The following MAP4K1 variants were observed in gnomAD, a reference collection of about 807,000 sequenced individuals.
MAP4K1 encodes MAPK/ERK kinase kinase kinase 1.
In MAP4K1, 35 loss-of-function variants were observed where a neutral mutation model predicts 122.8. The observed-to-expected ratio is 0.29, with a 90% CI of 0.22 to 0.38. The LOEUF is 0.38. MAP4K1 is among the 10% of genes least tolerant of loss of function. The probability of loss-of-function intolerance (pLI) is 1.00; values close to 1 mark genes in which losing one functional copy is unlikely to be tolerated. For missense variants in MAP4K1, 791 were observed against 1,072.6 expected (o/e 0.74, Z 3.67); for synonymous variants, 412 against 421.3 (o/e 0.98, Z 0.27).
Position 38,603,701 on chromosome 19 carries a change from G to C in MAP4K1, c.1446+1708C>G, listed in dbSNP as rs949569920. Among the ~76,000 whole-genome samples the C allele has an allele frequency of 2.0e-5, 3 of 151,954 alleles. No homozygotes were observed. The East Asian group carries it at 5.8e-4, about 29-fold the overall frequency. On this transcript the variant is annotated intron_variant, in intron 19 of 30. Transcript: ENST00000396857. ...CATTTTTTTAAAAATTAGCCAAGCT[G>C]GGCCGGGCGCGGTGGCTCACGCCTG... is the stretch of plus-strand genomic sequence containing the variant.
chr19:38,600,918 G>T (rs1162742428), intron 20 of MAP4K1, among the ~76,000 whole-genome samples: 1 of 149,194 alleles, frequency 6.7e-6, no homozygotes, highest in African/African-American at 2.5e-5. Flanking sequence ...CAATTATCCT[G>T]CCTCAGCCTC....
Position 38,606,296 on chromosome 19 carries a change from G to A in MAP4K1, c.1158-81C>T. ...AAGATGGCATGGTTCTGGGCTGGAG[G>A]CCCGGGACTGGGGTCTGAGGTGAGG... On this transcript the variant is annotated intron_variant, in intron 16 of 30. Coordinates refer to ENST00000396857, the MANE Select transcript of MAP4K1 (RefSeq NM_001042600.3). The A allele has an allele frequency of 1.3e-5, 9 of 681,786 alleles. No homozygotes were observed. The South Asian group carries it at 1.7e-4, about 13-fold the overall frequency. 42.2% of individuals were successfully genotyped at this position (681,786 alleles called of 1,614,324 possible).
At chr19:38,601,392 T>C (rs1360431401) in intron 20 of MAP4K1, 49 bp downstream of exon 20, 3 of 1,520,158 alleles carry the variant, frequency 2.0e-6, no homozygotes, top group Admixed American at 3.8e-5. Context: ...ACCCCTACTT[T>C]TGCTCTCCCA....
chr19:38,610,828 C>G (rs1975474267), intron 11 of MAP4K1, among the ~76,000 whole-genome samples: 1 of 151,958 alleles, frequency 6.6e-6, no homozygotes, highest in Admixed American at 6.6e-5. Context: ...GTCTTGAGTC[C>G]TTTGGGAATT....
At chr19:38,601,813 G>A (rs937926212) in intron 19 of MAP4K1, 4 of 369,346 alleles carry the variant, frequency 1.1e-5, no homozygotes, top group Admixed American at 5.0e-5. Flanking sequence ...AGTCTCACTC[G>A]GTTGCCCAGG....
Position 38,595,791 on chromosome 19 carries a change from A to G in MAP4K1, c.2180-62T>C. 2.7e-6 allele frequency: 4 copies of G among 1,497,696 alleles called. No individual in the cohort carries two copies. The Admixed American group carries it at 6.9e-5, about 26-fold the overall frequency. The allele number at this position is 1,497,696 out of a possible 1,614,324, so 92.8% of individuals were successfully genotyped here. A position where few individuals can be genotyped will look rare whatever the true frequency, so the allele number is the denominator to read the frequency against. ...AGGCTTAGAGGGTTACTAAGGGACC[A>G]ATCCATAAATTCAGTGTGAAAGCTA... is the stretch of plus-strand genomic sequence containing the variant. On this transcript the variant is annotated intron_variant, in intron 27 of 30. Transcript: ENST00000396857.
rs1974933890 is a variant in MAP4K1, at chr19:38,597,742, TTC to T, written c.1670-150_1670-149del. On this transcript the variant is annotated intron_variant, in intron 22 of 30. Transcript: ENST00000396857. This position sits in a 1 kb window ranked among gnomAD's most constrained non-coding sequence, Gnocchi z 4.6. ...AAGTACTTGTCATTCATTCATTCATTTCTCACTCCACATAGATTGAACGTCCA... is the reference window on the plus strand; with the variant it reads ...AAGTACTTGTCATTCATTCATTCATTTCACTCCACATAGATTGAACGTCCA... 1.6e-6 allele frequency: 1 copy of T among 609,648 alleles called. No homozygotes were observed. Among genetic ancestry groups the T allele is most frequent in the Non-Finnish European group, 2.9e-6 (1 of 346,906 alleles). 37.8% of individuals were successfully genotyped at this position (609,648 alleles called of 1,614,324 possible). A position where few individuals can be genotyped will look rare whatever the true frequency, so the allele number is the denominator to read the frequency against.
Position 38,609,628 on chromosome 19 carries a change from C to T in MAP4K1, c.974G>A (p.Ser325Asn), listed in dbSNP as rs1975434905. 1 of 1,613,772 alleles carries T rather than the reference C, an allele frequency of 6.2e-7. No homozygotes were observed. Residue 325 changes from serine to asparagine, a missense_variant, in exon 13 of 31, where the codon AGC (serine) becomes AAC (asparagine). Ser to Asn is a conservative substitution (Grantham distance 46). This residue lies in a region of MAP4K1 where 303 missense variants were observed against 344.8 expected (regional missense o/e 0.88). Coordinates refer to ENST00000396857, the MANE Select transcript of MAP4K1 (RefSeq NM_001042600.3). ...PRRIRSTHRS[S>N]SLGIPDADCC... ...GTCTGCATCTGGGATCCCCAGAGAG[C>T]TGGAGCGGTGGGTGGATCTGATCCG...
At chr19:38,598,694 G>C (rs1226985543) in intron 22 of MAP4K1, among the ~76,000 whole-genome samples, 1 of 152,078 alleles carries the variant, frequency 6.6e-6, no homozygotes, top group African/African-American at 2.4e-5. Flanking sequence ...AGTTCTGATT[G>C]TCATCTGAAC....
Position 38,594,176 on chromosome 19 carries a change from T to C in MAP4K1, c.2341-839A>G, listed in dbSNP as rs570912625. On this transcript the variant is annotated intron_variant, in intron 29 of 30. Transcript: ENST00000396857. Reference sequence around the variant, plus strand: ...GTCACAGTAGTGGCCCAGGATGAGATTGGGACTCAAGAAATCCAAGAGCAG... The same window carrying C: ...GTCACAGTAGTGGCCCAGGATGAGACTGGGACTCAAGAAATCCAAGAGCAG... 8.5e-5 allele frequency among the ~76,000 whole-genome samples: 13 copies of C among 152,126 alleles called. 1 individual carries two copies. In the South Asian group the frequency reaches 1.0e-3, roughly 12 times the overall value.
At chr19:38,601,369 T>C (rs1975058203) in intron 20 of MAP4K1, 72 bp downstream of exon 20, 2 of 1,398,436 alleles carry the variant, frequency 1.4e-6, no homozygotes, top group South Asian at 1.2e-5. Flanking sequence ...GTGCCTTCCT[T>C]AGGCTTCTCC....
intron 30 of MAP4K1, among the ~76,000 whole-genome samples, chr19:38,589,797 A>G (rs1974650676): frequency 6.6e-6 from 1 of 152,144 alleles, no homozygotes; most frequent in Non-Finnish European, 1.5e-5. Context: ...TGGGAAGCCT[A>G]CACAGGTGAA....
In MAP4K1 at chr19:38,600,171, G is replaced by A; in HGVS notation, c.1532-18C>T. ...GTGCTGGTCTGGAGGCACAGACAAG[G>A]ACGCTGGGACCGACTTCATCCTCAG... is the stretch of plus-strand genomic sequence containing the variant. On this transcript the variant is annotated intron_variant, in intron 20 of 30. Transcript: ENST00000396857. 1 of 1,611,594 alleles carries A rather than the reference G, an allele frequency of 6.2e-7. No homozygotes were observed. Among genetic ancestry groups the A allele is most frequent in the Non-Finnish European group, 8.5e-7 (1 of 1,177,920 alleles).
Position 38,612,636 on chromosome 19 carries a change from G to C in MAP4K1, c.640C>G (p.Pro214Ala). 6.2e-7 allele frequency: 1 copy of C among 1,613,518 alleles called. No individual in the cohort carries two copies. The change falls in exon 9 of 31, where the codon CCG becomes GCG. Residue 214 changes from proline (P) to alanine (A), a missense_variant. Around this residue, in one of 4 missense-constraint regions of MAP4K1, gnomAD observed 163 missense variants for 286.1 expected, o/e 0.57. Transcript: ENST00000396857. ...CTGAGAGGGTGCACATCAAAGAGCG[G>C]TGGCTGTAGCTCGGCCAGTTCGATG... ...TAIELAELQP[P>A]LFDVHPLRVL...
At position 38,591,214 on chromosome 19, in the gene MAP4K1, A is replaced by G. The variant is rs117910631; in HGVS notation, c.2396+2068T>C. Among the ~76,000 whole-genome samples the G allele has an allele frequency of 8.1e-3, 1,223 of 151,784 alleles. 32 individuals are homozygous for G. Among genetic ancestry groups the G allele is most frequent in the East Asian group, 0.06 (309 of 5,156 alleles). ...TCAAGAAAAGAAAAAAAAAAGAATAATAAGGCAAATGCGGTTAAAAAGATT... is the reference window on the plus strand; with the variant it reads ...TCAAGAAAAGAAAAAAAAAAGAATAGTAAGGCAAATGCGGTTAAAAAGATT... On this transcript the variant is annotated intron_variant, in intron 30 of 30. Transcript: ENST00000396857.
At chr19:38,609,446 T>G in intron 13 of MAP4K1, 150 bp downstream of exon 13, 3 of 718,638 alleles carry the variant, frequency 4.2e-6, no homozygotes, top group Non-Finnish European at 7.1e-6. Flanking sequence ...CTACGGTCAT[T>G]TTGTAGTTCA....
intron 30 of MAP4K1, among the ~76,000 whole-genome samples, chr19:38,588,973 T>C (rs1358660105): frequency 6.6e-6 from 1 of 151,388 alleles, no homozygotes; most frequent in Non-Finnish European, 1.5e-5. Context: ...AGAATAAAAA[T>C]CCATGAGACC....
chr19:38,605,362 C>G, intron 19 of MAP4K1, 47 bp downstream of exon 19: 8 of 1,466,126 alleles, frequency 5.5e-6, no homozygotes, highest in Admixed American at 2.0e-5. Flanking sequence ...ACCAGGCATC[C>G]CCAGCCCCGT....
intron 16 of MAP4K1, among the ~76,000 whole-genome samples, chr19:38,607,559 C>CAAA (rs759008757): frequency 8.1e-4 from 44 of 54,550 alleles, no homozygotes; most frequent in Admixed American, 1.2e-3. Flanking sequence ...GACTCCATCT[C>CAAA]AAAAAAAAAA....
Sources: gnomAD v4.1 joint callset for allele counts (sites outside exome capture counted in the v4.1 genomes callset) on GRCh38, gnomAD v4.1.1 for gene constraint, gnomAD v4.1.1 regional missense constraint, Gnocchi (gnomAD v3.1) non-coding constraint, MANE v1.5 for transcripts, NCBI Gene and HGNC (gene_info 2026-07-23, HGNC 2026-07-21) for gene names.